The following PTPRD variants were observed in gnomAD, a reference collection of about 807,000 sequenced individuals.
PTPRD encodes protein tyrosine phosphatase receptor type D, also known as receptor-type tyrosine-protein phosphatase delta.
In PTPRD, 34 loss-of-function variants were observed where a neutral mutation model predicts 214.5. The observed-to-expected ratio is 0.16, with a 90% CI of 0.12 to 0.21. The LOEUF (loss-of-function observed/expected upper bound fraction) is 0.21. Among genes scored for constraint, PTPRD ranks in the 10% least tolerant of loss-of-function variants. The pLI, the probability that PTPRD is intolerant of heterozygous loss-of-function variation, is 1.00. For synonymous variants in PTPRD, 1,128 were observed against 845.7 expected, an observed-to-expected ratio of 1.33 and a Z score of -5.79; for missense variants, 2,545 against 2,398.7, an observed-to-expected ratio of 1.06 and a Z score of -1.27.
intron 2 of PTPRD, among the ~76,000 whole-genome samples, chr9:10,499,582 T>C (rs1445104737): frequency 6.6e-6 from 1 of 151,942 alleles, no homozygotes; most frequent in Admixed American, 6.6e-5. Context: ...AATCAAATCC[T>C]ATATGGCTGC....
intron 10 of PTPRD, among the ~76,000 whole-genome samples, chr9:9,061,411 A>G (rs1422486682): frequency 6.6e-6 from 1 of 152,210 alleles, no homozygotes; most frequent in Non-Finnish European, 1.5e-5. Context: ...ACTAATGACA[A>G]CAAACAAGGT....
At chr9:10,449,146 T>G (rs2098819584) in intron 2 of PTPRD, among the ~76,000 whole-genome samples, 7 of 151,866 alleles carry the variant, frequency 4.6e-5, no homozygotes, top group Admixed American at 4.6e-4. Context: ...CCTGCCTGAT[T>G]CTCCTGCCTC....
rs112800201 is a variant in PTPRD at position 10,335,453 on chromosome 9, A to C, written c.-545+5510T>G. ...CCCTTAACAAAAGTTAACTCAAAAC[A>C]TATCACAGACCCAAGTGTAAAAGCC... On this transcript the variant is annotated intron_variant, in intron 3 of 45. Coordinates refer to ENST00000381196, the MANE Select transcript of PTPRD (RefSeq NM_002839.4). Among the ~76,000 whole-genome samples the C allele has an allele frequency of 5.3e-5, 8 of 151,938 alleles. 1 individual carries two copies. Among genetic ancestry groups the C allele is most frequent in the African/African-American group, 1.9e-4 (8 of 41,534 alleles).
intron 2 of PTPRD, among the ~76,000 whole-genome samples, chr9:10,401,158 C>T (rs983076804): frequency 5.3e-5 from 8 of 151,782 alleles, no homozygotes; most frequent in African/African-American, 1.9e-4. Flanking sequence ...TAAAGTTTCT[C>T]TCTAAAAATG....
At chr9:9,771,769 T>A (rs2098753639) in intron 5 of PTPRD, among the ~76,000 whole-genome samples, 1 of 152,126 alleles carries the variant, frequency 6.6e-6, no homozygotes, top group African/African-American at 2.4e-5. Context: ...TAAACCGAAT[T>A]TAAGAAATCA....
At chr9:10,278,181 G>A (rs2094842425) in intron 3 of PTPRD, among the ~76,000 whole-genome samples, 1 of 149,890 alleles carries the variant, frequency 6.7e-6, no homozygotes, top group African/African-American at 2.4e-5. Flanking sequence ...ACAAAAGGGT[G>A]CTTTGATCAA....
At chr9:9,951,725 G>A (rs751068333) in intron 4 of PTPRD, among the ~76,000 whole-genome samples, 1 of 152,182 alleles carries the variant, frequency 6.6e-6, no homozygotes, top group African/African-American at 2.4e-5. Flanking sequence ...TACTTTGAAC[G>A]GGGAAGTATA....
At chr9:9,066,907 G>C (rs377433629) in intron 10 of PTPRD, among the ~76,000 whole-genome samples, 2 of 152,148 alleles carry the variant, frequency 1.3e-5, no homozygotes, top group African/African-American at 4.8e-5. Flanking sequence ...ATAAATTTCT[G>C]TTGTTTTAAT....
intron 8 of PTPRD, among the ~76,000 whole-genome samples, chr9:9,463,705 T>C (rs1227281874): frequency 1.3e-5 from 2 of 152,084 alleles, no homozygotes; most frequent in Non-Finnish European, 2.9e-5. Context: ...TGTTGTGAAA[T>C]AGTGGGCATT....
rs181702278 is a variant in PTPRD, at chr9:8,323,705, G to A, written c.5535-3739C>T. ...GAATACATGAGGAGTTGTTCCTTAC[G>A]GATGAGCAAAGAAAGTGGCTTCTCA... On this transcript the variant is annotated intron_variant, in intron 44 of 45. Coordinates refer to ENST00000381196, the MANE Select transcript of PTPRD (RefSeq NM_002839.4). Among the ~76,000 whole-genome samples the A allele has an allele frequency of 1.4e-4, 21 of 152,252 alleles. 1 individual carries two copies. Among genetic ancestry groups the A allele is most frequent in the Admixed American group, 9.2e-4 (14 of 15,288 alleles).
chr9:8,653,999 C>A (rs555298784), intron 12 of PTPRD, among the ~76,000 whole-genome samples: 4 of 152,244 alleles, frequency 2.6e-5, no homozygotes, highest in Admixed American at 6.5e-5. Context: ...CCTTTCACTA[C>A]TGACATTTTG....
intron 10 of PTPRD, among the ~76,000 whole-genome samples, chr9:9,148,934 G>C (rs1181886688): frequency 6.6e-6 from 1 of 152,172 alleles, no homozygotes; most frequent in African/African-American, 2.4e-5. Context: ...TAACTGAGAG[G>C]TATGGTCTTA....
At chr9:9,331,471 G>T (rs2042294927) in intron 9 of PTPRD, among the ~76,000 whole-genome samples, 1 of 152,012 alleles carries the variant, frequency 6.6e-6, no homozygotes, top group African/African-American at 2.4e-5. Context: ...AACTGGAGGA[G>T]GAGAGCACAA....
At chr9:9,901,770 C>G (rs957772386) in intron 5 of PTPRD, among the ~76,000 whole-genome samples, 3 of 152,044 alleles carry the variant, frequency 2.0e-5, no homozygotes, top group Non-Finnish European at 1.5e-5. Context: ...GGAGGCATGG[C>G]TGGGGAGGCC....
At chr9:8,383,129 T>C (rs1418964936) in intron 37 of PTPRD, among the ~76,000 whole-genome samples, 1 of 152,242 alleles carries the variant, frequency 6.6e-6, no homozygotes, top group Non-Finnish European at 1.5e-5. Flanking sequence ...CTGAAAAGAA[T>C]CTCAAGCTTT....
chr9:9,075,653 A>G (rs1441914135), intron 10 of PTPRD, among the ~76,000 whole-genome samples: 2 of 152,096 alleles, frequency 1.3e-5, no homozygotes, highest in African/African-American at 2.4e-5. Context: ...GAGTGAGAAC[A>G]TGCGGTGTTT....
At chr9:10,344,816 G>C (rs1372159593) in intron 2 of PTPRD, among the ~76,000 whole-genome samples, 9 of 151,952 alleles carry the variant, frequency 5.9e-5, no homozygotes, top group Non-Finnish European at 1.3e-4. Flanking sequence ...CGCATGATTT[G>C]GTTCTCTGTT....
intron 8 of PTPRD, among the ~76,000 whole-genome samples, chr9:9,405,728 C>G (rs1057420677): frequency 6.6e-6 from 1 of 151,946 alleles, no homozygotes; most frequent in Non-Finnish European, 1.5e-5. Flanking sequence ...GAATTTTTAT[C>G]CTGTACCTTG....
chr9:9,463,162 T>G (rs1045782794), intron 8 of PTPRD, among the ~76,000 whole-genome samples: 1 of 152,124 alleles, frequency 6.6e-6, no homozygotes, highest in Non-Finnish European at 1.5e-5. Flanking sequence ...CTACCTTGGC[T>G]CTCCCAGTTG....
Sources: gnomAD v4.1 joint callset for allele counts (sites outside exome capture counted in the v4.1 genomes callset) on GRCh38, gnomAD v4.1.1 for gene constraint, MANE v1.5 for transcripts, NCBI Gene and HGNC (gene_info 2026-07-23, HGNC 2026-07-21) for gene names.